Variants in CDKAL1 observed in about 807,000 individuals in gnomAD.
CDKAL1 encodes CDKAL1 threonylcarbamoyladenosine tRNA methylthiotransferase.
In CDKAL1, 32 loss-of-function variants were observed where a neutral mutation model predicts 68.2. The observed-to-expected ratio is 0.47, with a 90% CI of 0.35 to 0.63. The LOEUF is 0.63. Ranked by LOEUF, CDKAL1 falls within the 30% of genes least tolerant of loss-of-function variation. CDKAL1 has a pLI of 0.00. For synonymous variants in CDKAL1, 234 were observed against 244.3 expected (o/e 0.96, Z 0.39); for missense variants, 606 against 696.7 (o/e 0.87, Z 1.47).
chr6:20,739,301 A>G (rs1255184195), intron 5 of CDKAL1, among the ~76,000 whole-genome samples: 2 of 152,218 alleles, frequency 1.3e-5, no homozygotes, highest in Non-Finnish European at 2.9e-5. Context: ...AATGAATGGC[A>G]TTATCAGATT....
intron 10 of CDKAL1, among the ~76,000 whole-genome samples, chr6:20,958,501 C>T (rs764037825): frequency 9.9e-5 from 15 of 152,142 alleles, no homozygotes; most frequent in Non-Finnish European, 1.9e-4. Context: ...CACAGCAATA[C>T]CTTGTACATT....
intron 4 of CDKAL1, among the ~76,000 whole-genome samples, chr6:20,609,401 CT>C (rs1168736535): frequency 1.4e-4 from 7 of 49,764 alleles, no homozygotes; most frequent in South Asian, 5.9e-4. Flanking sequence ...TCTTCTTCTT[CT>C]TTTTTTTTTT....
At chr6:20,692,462 A>G (rs1770913183) in intron 5 of CDKAL1, among the ~76,000 whole-genome samples, 1 of 152,174 alleles carries the variant, frequency 6.6e-6, no homozygotes, top group South Asian at 2.1e-4. Flanking sequence ...ATATGCTTTG[A>G]CAATAATGTT....
At chr6:20,683,650 C>T (rs1770485308) in intron 5 of CDKAL1, among the ~76,000 whole-genome samples, 2 of 152,200 alleles carry the variant, frequency 1.3e-5, no homozygotes, top group Admixed American at 6.5e-5. Context: ...TCTGCAGCCT[C>T]TCCCATGATC....
chr6:20,573,730 G>A (rs766601482), intron 4 of CDKAL1, among the ~76,000 whole-genome samples: 3 of 152,112 alleles, frequency 2.0e-5, no homozygotes, highest in Non-Finnish European at 2.9e-5. Context: ...AGAAAAATAT[G>A]TCCTTTACCC....
intron 4 of CDKAL1, among the ~76,000 whole-genome samples, chr6:20,571,423 C>T (rs1336259976): frequency 6.6e-6 from 1 of 152,122 alleles, no homozygotes; most frequent in East Asian, 1.9e-4. Context: ...CCTATCTCTG[C>T]TGACCTGTCC....
chr6:20,983,645 C>G (rs1202024908), intron 10 of CDKAL1, among the ~76,000 whole-genome samples: 1 of 152,110 alleles, frequency 6.6e-6, no homozygotes, highest in African/African-American at 2.4e-5. Context: ...CGCTTGAACC[C>G]GAGGGGCTGA....
intron 10 of CDKAL1, among the ~76,000 whole-genome samples, chr6:20,980,381 G>A (rs1766077833): frequency 6.6e-6 from 1 of 152,064 alleles, no homozygotes; most frequent in African/African-American, 2.4e-5. Flanking sequence ...GAGACTACAG[G>A]CGCCCGCCAC....
chr6:20,608,653 TTGCC>T (rs1766440901), intron 4 of CDKAL1, among the ~76,000 whole-genome samples: 1 of 152,170 alleles, frequency 6.6e-6, no homozygotes, highest in South Asian at 2.1e-4. Context: ...ATGTCTGAAG[TTGCC>T]CGCAGTCAAA....
At chr6:20,732,198 A>G (rs1772966474) in intron 5 of CDKAL1, among the ~76,000 whole-genome samples, 1 of 148,320 alleles carries the variant, frequency 6.7e-6, no homozygotes, top group Non-Finnish European at 1.5e-5. Flanking sequence ...GGTGTGTACC[A>G]TCTTGCCTGG....
chr6:20,722,614 G>A (rs1046924144), intron 5 of CDKAL1: 5 of 204,110 alleles, frequency 2.4e-5, no homozygotes, highest in South Asian at 8.8e-5. Flanking sequence ...GACAGGGGCC[G>A]GACCCTGGTG....
chr6:21,230,388 C>G (rs1327092320), intron 15 of CDKAL1, among the ~76,000 whole-genome samples: 1 of 152,240 alleles, frequency 6.6e-6, no homozygotes, highest in Admixed American at 6.5e-5. Context: ...TCTCAAACCT[C>G]TGACCTCAAG....
intron 9 of CDKAL1, among the ~76,000 whole-genome samples, chr6:20,846,929 T>C (rs1778396888): frequency 6.6e-6 from 1 of 152,230 alleles, no homozygotes; most frequent in Admixed American, 6.5e-5. Context: ...ATCTATTGTC[T>C]CATAATCTTG....
Position 20,546,529 on chromosome 6 carries a change from CT to C in CDKAL1, c.173+12del. 1.2e-6 allele frequency: 2 copies of C among 1,608,260 alleles called. No homozygotes were observed. Among genetic ancestry groups the C allele is most frequent in the South Asian group, 1.1e-5 (1 of 90,572 alleles). The stretch of plus-strand genomic sequence containing the variant: ...AACAGTCCACCAAGTGACAGGTAAG[CT>C]TTTTTCCTTGAAATTATATTCATTT... On this transcript the variant is annotated splice_region_variant and intron_variant, in intron 3 of 15. Coordinates refer to ENST00000274695, the MANE Select transcript of CDKAL1 (RefSeq NM_017774.3).
At chr6:20,706,977 T>C (rs1771627638) in intron 5 of CDKAL1, among the ~76,000 whole-genome samples, 1 of 152,256 alleles carries the variant, frequency 6.6e-6, no homozygotes, top group East Asian at 1.9e-4. Context: ...TGGGGTTTGG[T>C]GATTACTTCT....
intron 6 of CDKAL1, among the ~76,000 whole-genome samples, chr6:20,758,097 A>T (rs548119835): frequency 6.7e-6 from 1 of 149,606 alleles, no homozygotes; most frequent in African/African-American, 2.4e-5. Flanking sequence ...TTGACTTTGT[A>T]TTTCATGGAC....
intron 13 of CDKAL1, among the ~76,000 whole-genome samples, chr6:21,193,831 T>C (rs560287749): frequency 6.6e-6 from 1 of 152,232 alleles, no homozygotes; most frequent in Non-Finnish European, 1.5e-5. Context: ...ATTTCAGTTG[T>C]ATCTTAAACA....
In CDKAL1 at chr6:21,189,117, C is replaced by T. The variant is rs146135100; in HGVS notation, c.1300-8904C>T. Among the ~76,000 whole-genome samples, 587 of 152,248 alleles carry T rather than the reference C, an allele frequency of 3.9e-3. 5 individuals carry two copies. Among genetic ancestry groups the T allele is most frequent in the African/African-American group, 0.014 (562 of 41,532 alleles). ...TGTCTTCCTCTTACTGGGGTAGACACGGCTAGAAGAAAACCAACCAGCGTG... is the reference window on the plus strand; with the variant it reads ...TGTCTTCCTCTTACTGGGGTAGACATGGCTAGAAGAAAACCAACCAGCGTG... On this transcript the variant is annotated intron_variant, in intron 13 of 15. Coordinates refer to ENST00000274695, the MANE Select transcript of CDKAL1 (RefSeq NM_017774.3).
At chr6:20,852,648 C>G (rs946099963) in intron 9 of CDKAL1, among the ~76,000 whole-genome samples, 1 of 152,216 alleles carries the variant, frequency 6.6e-6, no homozygotes, top group Admixed American at 6.5e-5. Context: ...ACTTCAGGGA[C>G]TGTTAGTTTA....
Sources: allele counts gnomAD v4.1 joint callset (sites outside exome capture counted in the v4.1 genomes callset), GRCh38; gene constraint gnomAD v4.1.1; transcripts MANE v1.5; gene names NCBI Gene and HGNC (gene_info 2026-07-23, HGNC 2026-07-21).